The following NRXN3 variants were observed in gnomAD, a reference collection of about 807,000 sequenced individuals.
The protein encoded by NRXN3 is neurexin III.
Under a neutral mutation model 137.6 loss-of-function variants are expected in NRXN3, and 32 were observed. The ratio of observed to expected loss-of-function variants is 0.23; its 90% CI spans 0.18 to 0.31. The LOEUF (loss-of-function observed/expected upper bound fraction) is 0.31. Among genes scored for constraint, NRXN3 ranks in the 10% least tolerant of loss-of-function variants. The pLI is 1.00. For synonymous variants in NRXN3, 798 were observed against 784.5 expected, an observed-to-expected ratio of 1.02 and a Z score of -0.29; for missense variants, 1,574 against 2,062.5, an observed-to-expected ratio of 0.76 and a Z score of 4.59.
chr14:78,548,929 C>T (rs915834688), intron 4 of NRXN3, among the ~76,000 whole-genome samples: 3 of 152,204 alleles, frequency 2.0e-5, no homozygotes, highest in Admixed American at 2.0e-4. Context: ...ACTGAAGGAC[C>T]TGTTCTCTTC....
intron 19 of NRXN3, among the ~76,000 whole-genome samples, chr14:79,804,039 G>C (rs1443154517): frequency 6.6e-6 from 1 of 150,852 alleles, no homozygotes; most frequent in Admixed American, 6.6e-5. Flanking sequence ...CTGGCTTGTA[G>C]TAATTGCTCA....
chr14:79,768,642 C>T (rs982814007), intron 19 of NRXN3, among the ~76,000 whole-genome samples: 2 of 152,112 alleles, frequency 1.3e-5, no homozygotes, highest in African/African-American at 2.4e-5. Context: ...TCATCAAAGA[C>T]CAAAAGTAGA....
chr14:79,367,503 C>G (rs2093941032), intron 15 of NRXN3, among the ~76,000 whole-genome samples: 1 of 152,090 alleles, frequency 6.6e-6, no homozygotes, highest in Admixed American at 6.5e-5. Context: ...GGACTCAGAT[C>G]AAGGATTCAG....
intron 15 of NRXN3, among the ~76,000 whole-genome samples, chr14:79,176,790 T>G (rs2062385916): frequency 6.6e-6 from 1 of 152,240 alleles, no homozygotes; most frequent in Non-Finnish European, 1.5e-5. Context: ...TTCCATCTAT[T>G]TATCAATTGT....
intron 10 of NRXN3, among the ~76,000 whole-genome samples, chr14:78,863,664 A>C (rs1027756252): frequency 2.2e-4 from 34 of 152,156 alleles, no homozygotes; most frequent in African/African-American, 8.2e-4. Flanking sequence ...TTGATCTCTA[A>C]TTATAAAGTA....
At chr14:78,375,074 A>T (rs1307719716) in intron 4 of NRXN3, among the ~76,000 whole-genome samples, 2 of 152,256 alleles carry the variant, frequency 1.3e-5, no homozygotes, top group Non-Finnish European at 2.9e-5. Flanking sequence ...ACCCTTAAGT[A>T]AAAATCAGTT....
intron 15 of NRXN3, among the ~76,000 whole-genome samples, chr14:79,044,031 T>C (rs2099629165): frequency 6.6e-6 from 1 of 152,168 alleles, no homozygotes; most frequent in Non-Finnish European, 1.5e-5. Context: ...CAAACAAAAA[T>C]GTCTCCAGAC....
chr14:79,091,142 A>G (rs2049088669), intron 15 of NRXN3, among the ~76,000 whole-genome samples: 1 of 151,710 alleles, frequency 6.6e-6, no homozygotes, highest in Admixed American at 6.6e-5. Flanking sequence ...TTTACCCCTA[A>G]AACATTCTGT....
intron 1 of NRXN3, among the ~76,000 whole-genome samples, chr14:78,219,703 A>G (rs2063643490): frequency 6.6e-6 from 1 of 152,206 alleles, no homozygotes; most frequent in African/African-American, 2.4e-5. Flanking sequence ...ATCTGAATCT[A>G]AGGAGCTTGG....
At chr14:78,873,914 G>T (rs991876113) in intron 10 of NRXN3, among the ~76,000 whole-genome samples, 2 of 151,886 alleles carry the variant, frequency 1.3e-5, no homozygotes, top group African/African-American at 4.8e-5. Flanking sequence ...TAGGGTTAAT[G>T]CATAGGAATT....
intron 9 of NRXN3, among the ~76,000 whole-genome samples, chr14:78,804,750 G>T (rs2098850914): frequency 6.6e-6 from 1 of 151,976 alleles, no homozygotes; most frequent in African/African-American, 2.4e-5. Context: ...TAGAGATTGG[G>T]ATCCTCTTGG....
At chr14:78,212,405 A>G (rs966064578) in intron 1 of NRXN3, among the ~76,000 whole-genome samples, 2 of 152,184 alleles carry the variant, frequency 1.3e-5, no homozygotes, top group African/African-American at 4.8e-5. Context: ...CTCAAAAACA[A>G]GTGATTCAAA....
intron 20 of NRXN3, among the ~76,000 whole-genome samples, chr14:79,817,931 C>G (rs2099256711): frequency 6.6e-6 from 1 of 150,814 alleles, no homozygotes; most frequent in South Asian, 2.1e-4. Context: ...GTGGTTAAAA[C>G]AAGTTACCCT....
intron 1 of NRXN3, among the ~76,000 whole-genome samples, chr14:78,189,621 C>T (rs987655960): frequency 2.0e-5 from 3 of 151,610 alleles, no homozygotes; most frequent in Non-Finnish European, 4.4e-5. Flanking sequence ...GAGTCTTGTT[C>T]TGTCGCCCAG....
At chr14:79,174,326 ATCGTCAGACAATT>A (rs2062082287) in intron 15 of NRXN3, among the ~76,000 whole-genome samples, 1 of 152,158 alleles carries the variant, frequency 6.6e-6, no homozygotes, top group African/African-American at 2.4e-5. Flanking sequence ...AACCTCCTTC[ATCGTCAGACAATT>A]TCAAATTTAA....
At chr14:78,810,376 T>TAAAAA in intron 10 of NRXN3, 32 bp downstream of exon 10, 1 of 1,141,254 alleles carries the variant, frequency 8.8e-7, no homozygotes, top group Non-Finnish European at 1.2e-6. Context: ...ATTTTGTTCT[T>TAAAAA]TAAAAAAAAA....
intron 16 of NRXN3, among the ~76,000 whole-genome samples, chr14:79,628,390 G>T (rs573542654): frequency 4.8e-4 from 73 of 152,254 alleles, no homozygotes; most frequent in African/African-American, 1.7e-3. Flanking sequence ...CTTTATTCTA[G>T]TATGTCCATT....
intron 10 of NRXN3, among the ~76,000 whole-genome samples, chr14:78,928,548 G>A (rs896390509): frequency 5.3e-5 from 8 of 152,092 alleles, no homozygotes; most frequent in Non-Finnish European, 1.0e-4. Flanking sequence ...AGAACATGCG[G>A]TGTTTGGTTT....
chr14:78,778,772 CTTTCTT>C (rs1567286285), intron 8 of NRXN3, among the ~76,000 whole-genome samples: 12 of 82,098 alleles, frequency 1.5e-4, no homozygotes, highest in Non-Finnish European at 1.2e-4. Flanking sequence ...TTCTTTCTTT[CTTTCTT>C]TCTTTCTTTC....
Sources: gnomAD v4.1 joint callset for allele counts (sites outside exome capture counted in the v4.1 genomes callset) on GRCh38, gnomAD v4.1.1 for gene constraint, MANE v1.5 for transcripts, NCBI Gene and HGNC (gene_info 2026-07-23, HGNC 2026-07-21) for gene names.